Variants in FAM200B observed in about 807,000 individuals in gnomAD.
FAM200B encodes the protein zinc finger BED-type containing 11, also known as protein FAM200B.
A neutral mutation model predicts 33.1 loss-of-function variants in FAM200B; 32 were observed. That is an observed-to-expected ratio of 0.97 (90% CI 0.73 to 1.30). The LOEUF (loss-of-function observed/expected upper bound fraction) is 1.30. Ranked by LOEUF, FAM200B falls within the 50% of genes most tolerant of loss-of-function variation. The probability of loss-of-function intolerance (pLI) is 0.00; values close to 1 mark genes in which losing one functional copy is unlikely to be tolerated. For synonymous variants in FAM200B, 240 were observed against 264.8 expected (o/e 0.91, Z 0.91); for missense variants, 741 against 754.0 (o/e 0.98, Z 0.20).
chr4:15,671,919 C>G, the FAM200B span, among the ~76,000 whole-genome samples: 1 of 152,160 alleles, frequency 6.6e-6, no homozygotes, highest in Non-Finnish European at 1.5e-5. Context: ...TTCCATGTCT[C>G]TACTTTTTGA....
At chr4:15,649,112 T>C in the FAM200B span, among the ~76,000 whole-genome samples, 2 of 151,920 alleles carry the variant, frequency 1.3e-5, no homozygotes, top group Non-Finnish European at 2.9e-5. Flanking sequence ...AAGATTTTTA[T>C]CTATATTAAA....
At chr4:15,638,468 T>C in the FAM200B span, 1 of 1,453,118 alleles carries the variant, frequency 6.9e-7, no homozygotes, top group Non-Finnish European at 9.2e-7. Flanking sequence ...GTCAATGACC[T>C]TACAACTAAT....
At chr4:15,652,846 C>T in the FAM200B span, among the ~76,000 whole-genome samples, 1 of 152,044 alleles carries the variant, frequency 6.6e-6, no homozygotes, top group African/African-American at 2.4e-5. Context: ...TTAGTCTGAG[C>T]ATAAAAACTA....
chr4:15,673,041 G>A, the FAM200B span, among the ~76,000 whole-genome samples: 1 of 152,178 alleles, frequency 6.6e-6, no homozygotes, highest in South Asian at 2.1e-4. Flanking sequence ...GCACAAAGCT[G>A]TCATCTATGA....
Position 15,688,851 on chromosome 4 carries a change from A to G in FAM200B, c.1874A>G (p.Glu625Gly), listed in dbSNP as rs759896861. The stretch of plus-strand genomic sequence containing the variant: ...ATCTTAACGCAGTTAAAAACAAAGG[A>G]AAGAAATGGGCTGAATTGTGCAGCA... ...FSILTQLKTK[E>G]RNGLNCAAVM... The change falls in exon 2 of 2, where the codon GAA (glutamate) becomes GGA (glycine). Residue 625 changes from glutamate to glycine, a missense_variant. Physicochemically the swap from Glu to Gly is moderately conservative, Grantham distance 98 (BLOSUM62 -2). Transcript: ENST00000422728. The G allele has an allele frequency of 6.4e-6, 10 of 1,551,424 alleles. No homozygotes were observed. Among genetic ancestry groups the G allele is most frequent in the Non-Finnish European group, 8.7e-6 (10 of 1,146,886 alleles).
the FAM200B span, among the ~76,000 whole-genome samples, chr4:15,642,746 G>A: frequency 6.6e-6 from 1 of 151,762 alleles, no homozygotes; most frequent in Non-Finnish European, 1.5e-5. Flanking sequence ...TTTCATACTG[G>A]GTCACTCTTC....
At chr4:15,653,626 T>C in the FAM200B span, among the ~76,000 whole-genome samples, 1 of 149,160 alleles carries the variant, frequency 6.7e-6, no homozygotes, top group African/African-American at 2.4e-5. Context: ...TCACTTCCAC[T>C]TTCGATTTTT....
At chr4:15,685,725 C>T (rs939076177) in intron 1 of FAM200B, among the ~76,000 whole-genome samples, 15 of 152,068 alleles carry the variant, frequency 9.9e-5, no homozygotes, top group East Asian at 1.9e-4. Context: ...ACAGTTAAGA[C>T]GTGGAAATTT....
the FAM200B span, among the ~76,000 whole-genome samples, chr4:15,637,902 T>A: frequency 0.015 from 2,170 of 144,840 alleles, 48 homozygotes; most frequent in African/African-American, 0.052. Context: ...CTAGTTTTTT[T>A]AAAAAAAAAA....
At chr4:15,644,830 G>A in the FAM200B span, 2 of 655,020 alleles carry the variant, frequency 3.1e-6, no homozygotes, top group Non-Finnish European at 5.1e-6. Flanking sequence ...CTTGGTTAAA[G>A]TACAAATAAA....
chr4:15,652,722 C>T, the FAM200B span, among the ~76,000 whole-genome samples: 7 of 152,254 alleles, frequency 4.6e-5, no homozygotes, highest in African/African-American at 1.7e-4. Context: ...ATGGATGCTT[C>T]TAAAATACAT....
chr4:15,667,134 G>T, the FAM200B span, among the ~76,000 whole-genome samples: 1 of 152,124 alleles, frequency 6.6e-6, no homozygotes, highest in Non-Finnish European at 1.5e-5. Context: ...CACCTTTAAT[G>T]ATTTGAATCA....
the FAM200B span, among the ~76,000 whole-genome samples, chr4:15,657,855 A>C: frequency 2.0e-5 from 3 of 152,320 alleles, no homozygotes; most frequent in South Asian, 2.1e-4. Flanking sequence ...ATTAAGACCA[A>C]GGTTGTCACT....
chr4:15,668,781 C>T, the FAM200B span, among the ~76,000 whole-genome samples: 1 of 152,060 alleles, frequency 6.6e-6, no homozygotes, highest in African/African-American at 2.4e-5. Flanking sequence ...GTGATAAAGC[C>T]TTATTATCAT....
upstream of FAM200B, among the ~76,000 whole-genome samples, chr4:15,677,960 T>C (rs1718057685): frequency 6.6e-6 from 1 of 152,168 alleles, no homozygotes; most frequent in Admixed American, 6.5e-5. Flanking sequence ...TGTGCTAACT[T>C]CAGGCAATTA....
chr4:15,645,434 T>C, the FAM200B span, among the ~76,000 whole-genome samples: 1 of 152,128 alleles, frequency 6.6e-6, no homozygotes, highest in Admixed American at 6.6e-5. Flanking sequence ...TTTTCTTTCT[T>C]TCTTTTTTTT....
the FAM200B span, among the ~76,000 whole-genome samples, chr4:15,653,735 T>C: frequency 6.6e-6 from 1 of 152,158 alleles, no homozygotes; most frequent in Non-Finnish European, 1.5e-5. Flanking sequence ...TACTGCTAAG[T>C]AAAAAATTCA....
intron 1 of FAM200B, among the ~76,000 whole-genome samples, chr4:15,682,933 T>C (rs1449775844): frequency 6.6e-6 from 1 of 152,192 alleles, no homozygotes; most frequent in Admixed American, 6.5e-5. Context: ...CCTGGAAAGA[T>C]GAGGCTTAAG....
At chr4:15,639,395 G>T in the FAM200B span, among the ~76,000 whole-genome samples, 1 of 152,000 alleles carries the variant, frequency 6.6e-6, no homozygotes, top group Non-Finnish European at 1.5e-5. Context: ...ACCCAGTGTA[G>T]TGGAACCATA....
Sources: gnomAD v4.1 joint callset for allele counts (sites outside exome capture counted in the v4.1 genomes callset) on GRCh38, gnomAD v4.1.1 for gene constraint, MANE v1.5 for transcripts, NCBI Gene and HGNC (gene_info 2026-07-23, HGNC 2026-07-21) for gene names.